The following TP53BP1 variants were observed in gnomAD, a reference collection of about 807,000 sequenced individuals.
The protein encoded by TP53BP1 is TP53-binding protein 1.
TP53BP1 carries 61 observed loss-of-function variants against 200.8 expected under a neutral mutation model. That is an observed-to-expected ratio of 0.30 (90% CI 0.25 to 0.38). TP53BP1 has a LOEUF of 0.38. Among genes scored for constraint, TP53BP1 ranks in the 10% least tolerant of loss-of-function variants. The pLI is 1.00. For synonymous variants in TP53BP1, 822 were observed against 844.3 expected (o/e 0.97, Z 0.46); for missense variants, 2,144 against 2,371.9 (o/e 0.90, Z 2.00).
chr15:43,420,318 C>T lies in TP53BP1; in HGVS notation c.4668G>A (p.Glu1556=), dbSNP rs759751095. 1.9e-6 allele frequency: 3 copies of T among 1,613,562 alleles called. No homozygotes were observed. The highest frequency in any genetic ancestry group is 1.3e-5 in the African/African-American group (1 of 75,034). ...DTEVTALSED[E]YFSAGVVKGH... Reference sequence around the variant, plus strand: ...TTCTTTCATTACCTGCACTGAAATACTCATCCTCCGAGAGGGCCGTCACTT... The same window carrying T: ...TTCTTTCATTACCTGCACTGAAATATTCATCCTCCGAGAGGGCCGTCACTT... The change falls in exon 21 of 28, where the codon GAG becomes GAA. Residue 1556 remains glutamate, a synonymous_variant. Coordinates refer to ENST00000382044, the MANE Select transcript of TP53BP1 (RefSeq NM_001141980.3).
Position 43,403,752 on chromosome 15 carries a change from G to GTCA in TP53BP1, c.*3630_*3631insTGA, listed in dbSNP as rs779856199. The stretch of plus-strand genomic sequence containing the variant: ...TTGTTCGCTGGTCAGTCAGAACCTA[G>GTCA]GCCCACTGGATGAGCGTGGAGCCGC... On this transcript the variant is annotated 3_prime_UTR_variant, in exon 28 of 28. Transcript: ENST00000382044. The GTCA allele has an allele frequency of 6.2e-7, 1 of 1,613,760 alleles. No homozygotes were observed. The highest frequency in any genetic ancestry group is 2.2e-5 in the East Asian group (1 of 44,870).
In TP53BP1 at chr15:43,414,203, A is replaced by G. The variant is rs1219845326; in HGVS notation, c.5090-869T>C. 6.9e-6 allele frequency: 3 copies of G among 436,932 alleles called. No individual in the cohort carries two copies. The East Asian group carries it at 2.1e-4, about 31-fold the overall frequency. 27.1% of individuals were successfully genotyped at this position (436,932 alleles called of 1,614,324 possible). A position where few individuals can be genotyped will look rare whatever the true frequency, so the allele number is the denominator to read the frequency against. On this transcript the variant is annotated intron_variant, in intron 23 of 27. Coordinates refer to ENST00000382044, the MANE Select transcript of TP53BP1 (RefSeq NM_001141980.3). ...GCTGGAATTAGAAGTGAAGACCACC[A>G]AAGTTTGAATCCTGGCTTACTTTGT...
rs1174197942 is a variant in TP53BP1, at chr15:43,479,507, C to T, written c.678G>A (p.Gln226=). The T allele has an allele frequency of 1.2e-6, 2 of 1,611,242 alleles. No homozygotes were observed. The highest frequency in any genetic ancestry group is 2.7e-5 in the African/African-American group (2 of 74,904). ...CTGCTATGGGGATATCTTCGTTGGA[C>T]TGTTCTTCATGCTTAATTGCTGAGA... ...DANTAIKHEE[Q]SNEDIPIAEQ... Residue 226 remains glutamine (Q), a synonymous_variant, in exon 7 of 28, where the codon CAG becomes CAA. Coordinates refer to ENST00000382044, the MANE Select transcript of TP53BP1 (RefSeq NM_001141980.3).
chr15:43,409,084 A>G lies in TP53BP1; in HGVS notation c.5413T>C (p.Tyr1805His), dbSNP rs150764275. The G allele has an allele frequency of 5.0e-6, 8 of 1,614,192 alleles. No homozygotes were observed. Among genetic ancestry groups the G allele is most frequent in the Non-Finnish European group, 6.8e-6 (8 of 1,180,024 alleles). ...DFNEAQCNTA[Y>H]QCLLIADQHC... is the part of the protein sequence containing the mutation. ...TGATCCGCAATTAGAAGACACTGGT[A>G]AGCTGTGTTACACTGCAAGAAAAGA... Residue 1805 changes from tyrosine to histidine, a missense_variant, in exon 26 of 28, where the codon TAC becomes CAC. Coordinates refer to ENST00000382044, the MANE Select transcript of TP53BP1 (RefSeq NM_001141980.3).
rs749008008 is a variant in TP53BP1, at chr15:43,456,219, G to A, written c.2389C>T (p.Pro797Ser). The A allele has an allele frequency of 6.2e-7, 1 of 1,614,032 alleles. No individual in the cohort carries two copies. Among genetic ancestry groups the A allele is most frequent in the Non-Finnish European group, 8.5e-7 (1 of 1,180,028 alleles). ...SDSQSWEDIA[P>S]EIEPCAENRL... is the part of the protein sequence containing the mutation. ...TTCTCAGCACATGGTTCTATTTCTG[G>A]AGCAATATCCTCCCATGACTGGGAA... The change falls in exon 12 of 28, where the codon CCA becomes TCA. Residue 797 changes from proline (P) to serine (S), a missense_variant. By Grantham distance (74) the Pro-to-Ser change is moderately conservative. Transcript: ENST00000382044.
chr15:43,484,866 T>G (rs957867117), intron 4 of TP53BP1, among the ~76,000 whole-genome samples: 2 of 151,884 alleles, frequency 1.3e-5, no homozygotes, highest in Non-Finnish European at 2.9e-5. Flanking sequence ...TCCTCCCACC[T>G]CAGCCTCCCA....
At chr15:43,429,594 T>C (rs1157832068) in intron 17 of TP53BP1, among the ~76,000 whole-genome samples, 1 of 152,168 alleles carries the variant, frequency 6.6e-6, no homozygotes, top group Non-Finnish European at 1.5e-5. Context: ...TTCAGTAATT[T>C]CTCCGAATAA....
In TP53BP1 at chr15:43,469,971, G is replaced by A. The variant is rs141274427; in HGVS notation, c.1276C>T (p.Pro426Ser). The A allele has an allele frequency of 6.2e-7, 1 of 1,613,986 alleles. No homozygotes were observed. Among genetic ancestry groups the A allele is most frequent in the Non-Finnish European group, 8.5e-7 (1 of 1,180,012 alleles). Residue 426 changes from proline (P) to serine (S), a missense_variant, in exon 11 of 28, where the codon CCT (proline) becomes TCT (serine). Around this residue, in one of 4 missense-constraint regions of TP53BP1, gnomAD observed 1,700 missense variants for 1,710.3 expected, o/e 0.99. Transcript: ENST00000382044. ...SGEPVELENP[P>S]LLPESTVSPQ... ...GATACAGTGGACTCAGGCAGGAGAG[G>A]GGGGTTTTCTAACTCCACTGGTTCA...
intron 16 of TP53BP1, among the ~76,000 whole-genome samples, chr15:43,433,783 G>GT (rs763067896): frequency 6.6e-5 from 10 of 152,186 alleles, no homozygotes; most frequent in Non-Finnish European, 8.8e-5. Flanking sequence ...AACTCAGAAG[G>GT]TAACATGAAG....
intron 18 of TP53BP1, among the ~76,000 whole-genome samples, chr15:43,426,132 G>A (rs906976135): frequency 1.3e-5 from 2 of 151,506 alleles, no homozygotes; most frequent in African/African-American, 4.9e-5. Context: ...ATTATTTCTG[G>A]TATTTGGTAT....
intron 14 of TP53BP1, among the ~76,000 whole-genome samples, chr15:43,442,578 A>G (rs1373936757): frequency 6.6e-6 from 1 of 151,674 alleles, no homozygotes; most frequent in African/African-American, 2.4e-5. Flanking sequence ...ACTTGCTGCA[A>G]CCTGTGTCTC....
At chr15:43,492,966 C>A in intron 1 of TP53BP1, 71 bp downstream of exon 1, 1 of 1,594,510 alleles carries the variant, frequency 6.3e-7, no homozygotes, top group South Asian at 1.1e-5. Flanking sequence ...CCCCTCCGGT[C>A]AGCCATCCCT....
intron 16 of TP53BP1, among the ~76,000 whole-genome samples, chr15:43,433,969 T>C (rs1343422690): frequency 6.6e-6 from 1 of 152,160 alleles, no homozygotes; most frequent in Non-Finnish European, 1.5e-5. Context: ...CTCTAGATCT[T>C]GAAGGAAAAG....
intron 11 of TP53BP1, among the ~76,000 whole-genome samples, chr15:43,457,756 T>C (rs1395607473): frequency 1.4e-5 from 2 of 146,506 alleles, no homozygotes; most frequent in East Asian, 4.2e-4. Context: ...TGGTAGCTCA[T>C]GCCTATTATC....
rs921602393 is a variant in TP53BP1, at chr15:43,455,947, C to T, written c.2661G>A (p.Gln887=). ...CATGGGCAGAGGGCTTCCCCAGCTT[C>T]TGGGCCTCTGCATCTGAGCTTAGCT... ...AKQLSSDAEA[Q]KLGKPSAHAS... Residue 887 remains glutamine (Q), a synonymous_variant, in exon 12 of 28, where the codon CAG becomes CAA. Transcript: ENST00000382044. 1 of 1,614,088 alleles carries T rather than the reference C, an allele frequency of 6.2e-7. No homozygotes were observed. Among genetic ancestry groups the T allele is most frequent in the Non-Finnish European group, 8.5e-7 (1 of 1,180,052 alleles).
At chr15:43,483,758 A>T (rs1457557839) in intron 4 of TP53BP1, among the ~76,000 whole-genome samples, 2 of 152,248 alleles carry the variant, frequency 1.3e-5, no homozygotes, top group Admixed American at 1.3e-4. Context: ...TCAAGAGCAA[A>T]TATTGCAAAT....
chr15:43,448,149 C>A (rs2046085441), intron 12 of TP53BP1, among the ~76,000 whole-genome samples: 1 of 152,154 alleles, frequency 6.6e-6, no homozygotes, highest in Admixed American at 6.5e-5. Context: ...ATATAAGCAT[C>A]ACCAGTGTAC....
intron 13 of TP53BP1, chr15:43,446,983 T>C: frequency 1.9e-6 from 1 of 523,636 alleles, no homozygotes; most frequent in South Asian, 1.5e-5. Context: ...CTAAGTTTTC[T>C]TGCCCTGTCA....
chr15:43,422,244 G>C, intron 18 of TP53BP1, 118 bp from the exon 19 acceptor site: 1 of 1,207,934 alleles, frequency 8.3e-7, no homozygotes, highest in Non-Finnish European at 1.1e-6. Context: ...TGAGAATCAG[G>C]AGACTTTCTG....
Sources: gnomAD v4.1 joint callset for allele counts (sites outside exome capture counted in the v4.1 genomes callset) on GRCh38, gnomAD v4.1.1 for gene constraint, gnomAD v4.1.1 regional missense constraint, MANE v1.5 for transcripts, NCBI Gene and HGNC (gene_info 2026-07-23, HGNC 2026-07-21) for gene names.